NADK2: variants seen among roughly 807,000 people sequenced by gnomAD.
NADK2 encodes NAD kinase 2, mitochondrial, also known as NAD kinase domain-containing protein 1, mitochondrial.
A neutral mutation model predicts 62.1 loss-of-function variants in NADK2; 35 were observed. The observed-to-expected ratio is 0.56, with a 90% CI of 0.43 to 0.75. The LOEUF is 0.75. Among genes scored for constraint, NADK2 ranks in the 30% least tolerant of loss-of-function variants. The pLI, the probability that NADK2 is intolerant of heterozygous loss-of-function variation, is 0.00. For missense variants in NADK2, 439 were observed against 561.3 expected (o/e 0.78, Z 2.20); for synonymous variants, 205 against 207.9 (o/e 0.99, Z 0.12).
rs1748113361 is a variant in NADK2 at position 36,241,386 on chromosome 5, G to A, written c.300+113C>T. 2.2e-6 allele frequency: 3 copies of A among 1,355,816 alleles called. No individual in the cohort carries two copies. Among genetic ancestry groups the A allele is most frequent in the Non-Finnish European group, 1.9e-6 (2 of 1,056,446 alleles). The allele number at this position is 1,355,816 out of a possible 1,614,324, so 84.0% of individuals were successfully genotyped here. A position where few individuals can be genotyped will look rare whatever the true frequency, so the allele number is the denominator to read the frequency against. ...GGGGGCCGCGAGAGAGGCAGGACCG[G>A]CATCTGCGGTGCCCTGGGAAGAGTC... On this transcript the variant is annotated intron_variant, in intron 1 of 11. Coordinates refer to ENST00000381937, the MANE Select transcript of NADK2 (RefSeq NM_001085411.3). This position sits in a 1 kb window ranked among gnomAD's most constrained non-coding sequence, Gnocchi z 4.9.
intron 11 of NADK2, among the ~76,000 whole-genome samples, chr5:36,197,213 G>A (rs1579592814): frequency 6.6e-6 from 1 of 152,024 alleles, no homozygotes; most frequent in African/African-American, 2.4e-5. Context: ...TACAGCTTAT[G>A]AAAAAGAAGG....
chr5:36,219,218 T>G (rs528128547), intron 5 of NADK2, among the ~76,000 whole-genome samples: 3 of 152,264 alleles, frequency 2.0e-5, no homozygotes, highest in East Asian at 1.9e-4. Context: ...TTTTGTGTGT[T>G]TGTTTGTTTT....
chr5:36,225,735 G>A (rs1747459200), intron 3 of NADK2, 112 bp from the exon 4 acceptor site: 8 of 788,112 alleles, frequency 1.0e-5, no homozygotes, highest in East Asian at 2.6e-5. Context: ...CCTGCTAACC[G>A]CTATAGCCTA....
intron 6 of NADK2, among the ~76,000 whole-genome samples, chr5:36,217,215 A>T (rs998521068): frequency 6.6e-6 from 1 of 152,182 alleles, no homozygotes; most frequent in Non-Finnish European, 1.5e-5. Context: ...CATTTGCTAT[A>T]AAAAGTGGGA....
rs1748155288 is a variant in NADK2 at position 36,241,909 on chromosome 5, G to A, written c.-111C>T. 2.2e-6 allele frequency: 2 copies of A among 920,850 alleles called. No homozygotes were observed. The highest frequency in any genetic ancestry group is 2.7e-6 in the Non-Finnish European group (2 of 751,816). 57.0% of individuals were successfully genotyped at this position (920,850 alleles called of 1,614,324 possible). A position where few individuals can be genotyped will look rare whatever the true frequency, so the allele number is the denominator to read the frequency against. On this transcript the variant is annotated 5_prime_UTR_variant, in exon 1 of 12. Coordinates refer to ENST00000381937, the MANE Select transcript of NADK2 (RefSeq NM_001085411.3). This position sits in a 1 kb window ranked among gnomAD's most constrained non-coding sequence, Gnocchi z 4.9. ...CCGGGCCTCTAACTTCGCGCCGGAC[G>A]GGCAGAGGTTAAGTGCCAGGACGTG...
intron 6 of NADK2, among the ~76,000 whole-genome samples, chr5:36,213,767 A>C (rs551162600): frequency 6.6e-6 from 1 of 151,978 alleles, no homozygotes; most frequent in African/African-American, 2.4e-5. Flanking sequence ...TTATTGTTTA[A>C]ATTACTTTTC....
At chr5:36,236,955 TGA>T (rs1747934323) in intron 1 of NADK2, among the ~76,000 whole-genome samples, 1 of 150,326 alleles carries the variant, frequency 6.7e-6, no homozygotes, top group Admixed American at 6.6e-5. Flanking sequence ...ACATAGACAC[TGA>T]GAGATGCAAA....
At chr5:36,201,493 G>A (rs1285144854) in intron 8 of NADK2, among the ~76,000 whole-genome samples, 2 of 151,858 alleles carry the variant, frequency 1.3e-5, no homozygotes, top group African/African-American at 4.8e-5. Flanking sequence ...CTGAAATGCT[G>A]TTTATAACAG....
chr5:36,225,549 G>C lies in NADK2; in HGVS notation c.553C>G (p.Pro185Ala). ...GTATACGTTCTTTCTTACCGTTCTG[G>C]ATCAGTGTTTACCCCTATAACTGGT... ...LKPVIGVNTD[P>A]ERSEGHLCLP... The change falls in exon 4 of 12, where the codon CCA becomes GCA. Residue 185 changes from proline (P) to alanine (A), a missense_variant. By Grantham distance (27) the Pro-to-Ala change is conservative. Coordinates refer to ENST00000381937, the MANE Select transcript of NADK2 (RefSeq NM_001085411.3). 6.2e-7 allele frequency: 1 copy of C among 1,612,346 alleles called. No individual in the cohort carries two copies.
intron 11 of NADK2, among the ~76,000 whole-genome samples, chr5:36,196,886 G>A (rs1464252085): frequency 6.6e-6 from 1 of 151,928 alleles, no homozygotes; most frequent in Admixed American, 6.6e-5. Flanking sequence ...AAAATTAATT[G>A]TATGTCTATA....
chr5:36,222,122 T>C (rs1318128256), intron 4 of NADK2, among the ~76,000 whole-genome samples: 2 of 152,078 alleles, frequency 1.3e-5, no homozygotes, highest in African/African-American at 4.8e-5. Context: ...AAAATAAATA[T>C]ATAGGGATAA....
chr5:36,241,275 C>T lies in NADK2; in HGVS notation c.300+224G>A. 1.1e-6 allele frequency: 1 copy of T among 878,880 alleles called. No individual in the cohort carries two copies. The highest frequency in any genetic ancestry group is 1.5e-6 in the Non-Finnish European group (1 of 647,858). 54.4% of individuals were successfully genotyped at this position (878,880 alleles called of 1,614,324 possible). The stretch of plus-strand genomic sequence containing the variant: ...TAAGTCCCTGCATGAACCACTGTCC[C>T]TCTCTCTCCCCCTCTCCCCGGCCCT... On this transcript the variant is annotated intron_variant, in intron 1 of 11. Coordinates refer to ENST00000381937, the MANE Select transcript of NADK2 (RefSeq NM_001085411.3). This position sits in a 1 kb window ranked among gnomAD's most constrained non-coding sequence, Gnocchi z 4.9.
At chr5:36,233,849 C>A (rs1747798902) in intron 1 of NADK2, among the ~76,000 whole-genome samples, 1 of 152,122 alleles carries the variant, frequency 6.6e-6, no homozygotes, top group Non-Finnish European at 1.5e-5. Flanking sequence ...CTCCTTCACA[C>A]ATAAAAATTC....
chr5:36,226,230 C>T (rs920206049), intron 3 of NADK2, among the ~76,000 whole-genome samples: 1 of 152,076 alleles, frequency 6.6e-6, no homozygotes, highest in African/African-American at 2.4e-5. Context: ...ATAACTGATC[C>T]TTTGAATCAT....
chr5:36,206,845 C>CT lies in NADK2; in HGVS notation c.956+324dup, dbSNP rs148616774. Among the ~76,000 whole-genome samples the CT allele has an allele frequency of 0.012, 1,862 of 152,142 alleles. 156 individuals are homozygous for CT. The East Asian group carries it at 0.21, about 17-fold the overall frequency. ...TTTTAATATACAAACCTCCAGCCTACTTTTTTTATTGTACTTTGTATTCAT... is the reference window on the plus strand; with the variant it reads ...TTTTAATATACAAACCTCCAGCCTACTTTTTTTTATTGTACTTTGTATTCAT... On this transcript the variant is annotated intron_variant, in intron 8 of 11. Coordinates refer to ENST00000381937, the MANE Select transcript of NADK2 (RefSeq NM_001085411.3).
In NADK2 at chr5:36,195,301, C is replaced by A. The variant is rs1310912762; in HGVS notation, c.1191-19G>T. On this transcript the variant is annotated intron_variant, in intron 11 of 11. Coordinates refer to ENST00000381937, the MANE Select transcript of NADK2 (RefSeq NM_001085411.3). ...ACAAACCCTAGGCAGAAGGAAATAT[C>A]TCATTAAATAGTAATAGTTTTCTTA... 8.2e-6 allele frequency: 13 copies of A among 1,590,274 alleles called. No individual in the cohort carries two copies. The African/African-American group carries it at 1.6e-4, about 20-fold the overall frequency.
chr5:36,220,274 T>C (rs1182081154), intron 4 of NADK2, among the ~76,000 whole-genome samples: 1 of 152,228 alleles, frequency 6.6e-6, no homozygotes, highest in African/African-American at 2.4e-5. Flanking sequence ...ACATAAATAA[T>C]GAAACTCCTT....
At chr5:36,235,033 G>T (rs1424031246) in intron 1 of NADK2, among the ~76,000 whole-genome samples, 1 of 152,028 alleles carries the variant, frequency 6.6e-6, no homozygotes, top group Non-Finnish European at 1.5e-5. Context: ...GTTAGCAGGG[G>T]CTCAAAAAAC....
intron 2 of NADK2, among the ~76,000 whole-genome samples, 171 bp downstream of exon 2, chr5:36,227,306 T>C (rs1056040515): frequency 1.3e-5 from 2 of 152,178 alleles, no homozygotes. Context: ...ACAATAAATT[T>C]TTCTTTAAAG....
Sources: allele counts gnomAD v4.1 joint callset (sites outside exome capture counted in the v4.1 genomes callset), GRCh38; gene constraint gnomAD v4.1.1; non-coding constraint Gnocchi (gnomAD v3.1); transcripts MANE v1.5; gene names NCBI Gene and HGNC (gene_info 2026-07-23, HGNC 2026-07-21).